The following CCDC150 variants were observed in gnomAD, a reference collection of about 807,000 sequenced individuals.
CCDC150 encodes the protein coiled-coil domain containing 150.
CCDC150 carries 151 observed loss-of-function variants against 156.5 expected under a neutral mutation model. The ratio of observed to expected loss-of-function variants is 0.97; its 90% CI spans 0.85 to 1.10. The LOEUF (loss-of-function observed/expected upper bound fraction) is 1.10, where lower values mean the gene tolerates loss of function less well. Among genes scored for constraint, CCDC150 ranks in the 50% least tolerant of loss-of-function variants. CCDC150 has a pLI of 0.00. For synonymous variants in CCDC150, 452 were observed against 429.4 expected, an observed-to-expected ratio of 1.05 and a Z score of -0.65; for missense variants, 1,312 against 1,268.1, an observed-to-expected ratio of 1.03 and a Z score of -0.53.
At chr2:196,714,311 G>T (rs1301360100) in intron 17 of CCDC150, among the ~76,000 whole-genome samples, 2 of 152,138 alleles carry the variant, frequency 1.3e-5, no homozygotes, top group Admixed American at 6.5e-5. Context: ...GGTCCCTATG[G>T]CTACCTCTTA....
In CCDC150 at chr2:196,730,089, A is replaced by G; in HGVS notation, c.2953A>G (p.Ile985Val). Residue 985 changes from isoleucine (I) to valine (V), a missense_variant, in exon 25 of 28, where the codon ATA (isoleucine) becomes GTA (valine). Ile to Val is a conservative substitution (Grantham distance 29, BLOSUM62 3). Coordinates refer to ENST00000389175, the MANE Select transcript of CCDC150 (RefSeq NM_001080539.2). ...GCTGCACCTAGAAGCAGAGCGGAAA[A>G]TAAGGCAGGAGCTAGAGAATCGGTG... ...QELHLEAERK[I>V]RQELENRCQE... is the part of the protein sequence containing the mutation. 3 of 1,611,134 alleles carry G rather than the reference A, an allele frequency of 1.9e-6. No individual in the cohort carries two copies. Among genetic ancestry groups the G allele is most frequent in the Non-Finnish European group, 2.5e-6 (3 of 1,178,880 alleles).
intron 15 of CCDC150, among the ~76,000 whole-genome samples, chr2:196,704,947 A>C (rs1456259294): frequency 6.6e-6 from 1 of 152,200 alleles, no homozygotes; most frequent in Non-Finnish European, 1.5e-5. Context: ...AATCCAGTCT[A>C]TCATCTATGA....
intron 21 of CCDC150, among the ~76,000 whole-genome samples, chr2:196,723,008 G>C (rs1255665935): frequency 6.6e-6 from 1 of 152,142 alleles, no homozygotes; most frequent in Admixed American, 6.5e-5. Flanking sequence ...TTTCATCAAA[G>C]GTGAATCAAC....
At chr2:196,681,123 C>T (rs913791564) in intron 13 of CCDC150, among the ~76,000 whole-genome samples, 2 of 152,194 alleles carry the variant, frequency 1.3e-5, no homozygotes, top group Non-Finnish European at 2.9e-5. Context: ...TTCCCTCCTT[C>T]TCCCAGCCCC....
chr2:196,728,309 T>A (rs1698329218), intron 22 of CCDC150, among the ~76,000 whole-genome samples: 1 of 152,180 alleles, frequency 6.6e-6, no homozygotes, highest in Admixed American at 6.5e-5. Flanking sequence ...AGGAAGTTAG[T>A]TGGGTAGTAA....
At position 196,646,511 on chromosome 2, in the gene CCDC150, A is replaced by G. The variant is rs550099389; in HGVS notation, c.176+7A>G. ...TGGATTTTGGTGAAAAAAGGTAACA[A>G]AAATGAACTACATCTCTGTAGGTTG... On this transcript the variant is annotated splice_region_variant and intron_variant, in intron 2 of 27. Transcript: ENST00000389175. 9 of 1,611,596 alleles carry G rather than the reference A, an allele frequency of 5.6e-6. No individual in the cohort carries two copies. The highest frequency in any genetic ancestry group is 5.0e-5 in the Admixed American group (3 of 59,972).
rs1697267859 is a variant in CCDC150 at position 196,713,367 on chromosome 2, G to C, written c.1866+628G>C. Reference sequence around the variant, plus strand: ...TATTAATAATTGACGATGCCTCTAAGAAAAAGGAAATCCCCAGAGAGGACT... The same window carrying C: ...TATTAATAATTGACGATGCCTCTAACAAAAAGGAAATCCCCAGAGAGGACT... On this transcript the variant is annotated intron_variant, in intron 17 of 27. Transcript: ENST00000389175. The C allele has an allele frequency of 2.7e-6, 4 of 1,474,004 alleles. 1 individual carries two copies. Among genetic ancestry groups the C allele is most frequent in the African/African-American group, 2.9e-5 (2 of 69,882 alleles). The allele number at this position is 1,474,004 out of a possible 1,614,324, so 91.3% of individuals were successfully genotyped here.
chr2:196,707,588 T>C (rs1032549702), intron 15 of CCDC150, among the ~76,000 whole-genome samples: 17 of 152,210 alleles, frequency 1.1e-4, no homozygotes, highest in African/African-American at 4.1e-4. Flanking sequence ...TCTAGTTCTT[T>C]TAATTGTGAT....
chr2:196,663,560 T>C (rs1408717558), intron 5 of CCDC150, among the ~76,000 whole-genome samples: 1 of 152,082 alleles, frequency 6.6e-6, no homozygotes, highest in Admixed American at 6.6e-5. Flanking sequence ...CTTAATGAAA[T>C]AATCAGAAAT....
At chr2:196,712,436 T>C (rs1697192452) in intron 16 of CCDC150, 184 bp downstream of exon 16, 3 of 571,882 alleles carry the variant, frequency 5.2e-6, no homozygotes, top group Non-Finnish European at 9.4e-6. Flanking sequence ...CCTCAGAAAT[T>C]GTAAAGATAC....
intron 22 of CCDC150, chr2:196,728,098 GA>G (rs1698317736): frequency 1.3e-5 from 2 of 151,876 alleles, no homozygotes; most frequent in East Asian, 3.9e-4. Context: ...GTGAGAGAGT[GA>G]CAGCAGTGAG....
Position 196,701,071 on chromosome 2 carries a change from A to G in CCDC150, c.1624-38A>G, listed in dbSNP as rs768049937. ...AAAATGAAAATGGTTATTCCTTTCT[A>G]TGCCTAGAGGTTCTGATGCCTTTGT... On this transcript the variant is annotated intron_variant, in intron 14 of 27. Coordinates refer to ENST00000389175, the MANE Select transcript of CCDC150 (RefSeq NM_001080539.2). 5.2e-6 allele frequency: 7 copies of G among 1,358,390 alleles called. No homozygotes were observed. In the Admixed American group the frequency reaches 6.3e-5, roughly 12 times the overall value. 84.1% of individuals were successfully genotyped at this position (1,358,390 alleles called of 1,614,324 possible). A position where few individuals can be genotyped will look rare whatever the true frequency, so the allele number is the denominator to read the frequency against.
chr2:196,720,395 C>G (rs189622306), intron 19 of CCDC150, among the ~76,000 whole-genome samples, 180 bp from the exon 20 acceptor site: 8 of 152,298 alleles, frequency 5.3e-5, no homozygotes, highest in African/African-American at 1.7e-4. Flanking sequence ...ATGCAAAAAT[C>G]TCAACAGCAA....
intron 5 of CCDC150, among the ~76,000 whole-genome samples, chr2:196,662,920 T>C (rs564315862): frequency 5.4e-5 from 8 of 149,518 alleles, no homozygotes; most frequent in Non-Finnish European, 1.2e-4. Flanking sequence ...CAGAGTGAGA[T>C]CCTGTCTCCA....
chr2:196,720,482 T>C, intron 19 of CCDC150, 93 bp from the exon 20 acceptor site: 1 of 921,602 alleles, frequency 1.1e-6, no homozygotes, highest in East Asian at 2.6e-5. Flanking sequence ...CTATTTGAGC[T>C]TCTTAGAAGA....
chr2:196,675,282 T>C (rs1010470668), intron 10 of CCDC150, among the ~76,000 whole-genome samples: 1 of 152,130 alleles, frequency 6.6e-6, no homozygotes, highest in Non-Finnish European at 1.5e-5. Flanking sequence ...TAATGCTATA[T>C]CTAGATAGGA....
intron 27 of CCDC150, 105 bp downstream of exon 27, chr2:196,732,257 T>C: frequency 7.4e-7 from 1 of 1,346,146 alleles, no homozygotes; most frequent in Non-Finnish European, 1.0e-6. Context: ...CTTTTAATCT[T>C]TAGTTTCTTT....
At chr2:196,649,078 A>T (rs1692722124) in intron 2 of CCDC150, among the ~76,000 whole-genome samples, 1 of 151,978 alleles carries the variant, frequency 6.6e-6, no homozygotes, top group Non-Finnish European at 1.5e-5. Flanking sequence ...CAATGCCTCC[A>T]CCTTTGTTAT....
At chr2:196,646,632 A>C (rs578051804) in intron 2 of CCDC150, 128 bp downstream of exon 2, 2 of 706,832 alleles carry the variant, frequency 2.8e-6, no homozygotes, top group South Asian at 1.9e-5. Flanking sequence ...TTTGAGCATC[A>C]CTTAGAAAAC....
Sources: allele counts gnomAD v4.1 joint callset (sites outside exome capture counted in the v4.1 genomes callset), GRCh38; gene constraint gnomAD v4.1.1; transcripts MANE v1.5; gene names NCBI Gene and HGNC (gene_info 2026-07-23, HGNC 2026-07-21).